Variants in OPTN observed in about 807,000 individuals in gnomAD.
The protein encoded by OPTN is E3-14.7K-interacting protein.
OPTN carries 54 observed loss-of-function variants against 70.4 expected under a neutral mutation model. The ratio of observed to expected loss-of-function variants is 0.77; its 90% CI spans 0.62 to 0.96. The LOEUF is 0.96. Ranked by LOEUF, OPTN falls within the 40% of genes least tolerant of loss-of-function variation. The pLI, the probability that OPTN is intolerant of heterozygous loss-of-function variation, is 0.00. For synonymous variants in OPTN, 256 were observed against 248.5 expected (o/e 1.03, Z -0.28); for missense variants, 624 against 673.2 (o/e 0.93, Z 0.81).
rs1252816155 is a variant in OPTN at position 13,122,142 on chromosome 10, T to C, written c.780-243T>C. 2.6e-5 allele frequency among the ~76,000 whole-genome samples: 4 copies of C among 152,312 alleles called. No homozygotes were observed. The East Asian group carries it at 5.8e-4, about 22-fold the overall frequency. On this transcript the variant is annotated intron_variant, in intron 7 of 14. Transcript: ENST00000378747. ...CATAGGACAGTTGCATGGAAACAAA[T>C]GGTGTTCAAGATGAGTTTCACTTGC...
chr10:13,115,537 T>C (rs1833183962), intron 5 of OPTN, among the ~76,000 whole-genome samples: 1 of 122,272 alleles, frequency 8.2e-6, no homozygotes, highest in Non-Finnish European at 1.6e-5. Flanking sequence ...ATATATAATA[T>C]AGAATATATT....
intron 1 of OPTN, among the ~76,000 whole-genome samples, chr10:13,102,926 G>T (rs1474902870): frequency 1.3e-5 from 2 of 149,558 alleles, no homozygotes; most frequent in Admixed American, 1.4e-4. Flanking sequence ...CTGGGCGACA[G>T]AGTGAGACTG....
At chr10:13,136,464 T>G (rs567036271) in intron 14 of OPTN, among the ~76,000 whole-genome samples, 1 of 122,150 alleles carries the variant, frequency 8.2e-6, no homozygotes, top group African/African-American at 3.1e-5. Flanking sequence ...GCCAAGATCG[T>G]GCCACTGCCC....
intron 14 of OPTN, 80 bp downstream of exon 14, chr10:13,133,661 C>A: frequency 1.6e-6 from 2 of 1,270,382 alleles, no homozygotes; most frequent in Non-Finnish European, 2.3e-6. Flanking sequence ...CCACTTCATT[C>A]TCTACAATGG....
chr10:13,107,886 C>T (rs191085797), intron 1 of OPTN, among the ~76,000 whole-genome samples: 11 of 152,138 alleles, frequency 7.2e-5, no homozygotes, highest in Admixed American at 1.3e-4. Context: ...TCATTTTCAC[C>T]AAGTGTGAAG....
At chr10:13,105,379 A>G (rs1352334826) in intron 1 of OPTN, among the ~76,000 whole-genome samples, 2 of 152,226 alleles carry the variant, frequency 1.3e-5, no homozygotes, top group Non-Finnish European at 1.5e-5. Context: ...CATAAGGATT[A>G]TCATTTGCTG....
chr10:13,107,356 CAGAG>C (rs747754661), intron 1 of OPTN, among the ~76,000 whole-genome samples: 1 of 148,392 alleles, frequency 6.7e-6, no homozygotes, highest in Non-Finnish European at 1.5e-5. Context: ...GCCTGGGCAA[CAGAG>C]AGAGACTCTC....
Position 13,122,443 on chromosome 10 carries a change from G to C in OPTN, c.838G>C (p.Gly280Arg). The change falls in exon 8 of 15, where the codon GGG becomes CGG. Residue 280 changes from glycine to arginine, a missense_variant. Physicochemically the swap from Gly to Arg is moderately radical, Grantham distance 125. Coordinates refer to ENST00000378747, the MANE Select transcript of OPTN (RefSeq NM_001008212.2). ...TTCTGAGATTGAAACCCAGACAGAG[G>C]GGAGCACAGAGAAAGAGAATGATGA... ...NRSEIETQTE[G>R]STEKENDEEK... is the part of the protein sequence containing the mutation. The C allele has an allele frequency of 1.2e-6, 2 of 1,614,020 alleles. No individual in the cohort carries two copies. The highest frequency in any genetic ancestry group is 2.2e-5 in the South Asian group (2 of 91,080).
At chr10:13,123,955 G>C (rs1833405856) in intron 8 of OPTN, 40 bp from the exon 9 acceptor site, 1 of 1,442,952 alleles carries the variant, frequency 6.9e-7, no homozygotes, top group African/African-American at 1.4e-5. Context: ...AATGTCAGAT[G>C]ATAATTGTAC....
intron 4 of OPTN, among the ~76,000 whole-genome samples, chr10:13,111,479 C>T (rs1395053699): frequency 6.6e-6 from 1 of 152,114 alleles, no homozygotes; most frequent in Non-Finnish European, 1.5e-5. Context: ...GGGCAGATCA[C>T]CTGAGGTGAG....
intron 5 of OPTN, among the ~76,000 whole-genome samples, chr10:13,115,858 T>C (rs1055480829): frequency 6.6e-6 from 1 of 151,088 alleles, no homozygotes; most frequent in African/African-American, 2.5e-5. Flanking sequence ...GCCTCTTTTT[T>C]AACTTTACCT....
At chr10:13,122,526 C>A (rs1157303119) in intron 8 of OPTN, 39 bp downstream of exon 8, 2 of 1,302,894 alleles carry the variant, frequency 1.5e-6, no homozygotes, top group Non-Finnish European at 2.2e-6. Flanking sequence ...CACACCCACA[C>A]ACACGAGAGT....
intron 1 of OPTN, among the ~76,000 whole-genome samples, chr10:13,104,960 C>T (rs899044647): frequency 6.6e-6 from 1 of 151,656 alleles, no homozygotes; most frequent in Non-Finnish European, 1.5e-5. Flanking sequence ...GCGAGCTCTG[C>T]TACTAATTTA....
At chr10:13,129,027 T>A (rs1202355177) in intron 12 of OPTN, among the ~76,000 whole-genome samples, 1 of 148,802 alleles carries the variant, frequency 6.7e-6, no homozygotes, top group East Asian at 2.1e-4. Flanking sequence ...TTTAAGAAAC[T>A]TTTACTACCC....
chr10:13,115,435 A>G (rs1313569182), intron 5 of OPTN, among the ~76,000 whole-genome samples: 4 of 104,778 alleles, frequency 3.8e-5, no homozygotes, highest in African/African-American at 1.7e-4. Context: ...TATAATATAG[A>G]ATATATATAA....
intron 11 of OPTN, among the ~76,000 whole-genome samples, chr10:13,127,097 G>C (rs1833483820): frequency 6.6e-6 from 1 of 152,196 alleles, no homozygotes; most frequent in African/African-American, 2.4e-5. Flanking sequence ...AGAAGCTTGT[G>C]AATTAGAAGG....
chr10:13,115,457 TTATATAATATAGAATA>T (rs1332688877), intron 5 of OPTN, among the ~76,000 whole-genome samples: 2 of 100,722 alleles, frequency 2.0e-5, no homozygotes, highest in Non-Finnish European at 3.4e-5. Context: ...ATATTCTATA[TTATATAATATAGAATA>T]TATATAATAT....
chr10:13,110,478 T>C lies in OPTN; in HGVS notation c.369+2T>C, dbSNP rs113349726. On this transcript the variant is annotated splice_donor_variant, in intron 4 of 14. Transcript: ENST00000378747. LOFTEE classifies it high-confidence loss of function. ...GGGAAATCAGAAAGGTCATCTGAGG[T>C]GAGCAGACCGATCCATTGTGATGTT... is the stretch of plus-strand genomic sequence containing the variant. 3.7e-6 allele frequency: 6 copies of C among 1,610,510 alleles called. 1 individual carries two copies. The highest frequency in any genetic ancestry group is 1.7e-5 in the Admixed American group (1 of 59,532).
intron 13 of OPTN, 62 bp downstream of exon 13, chr10:13,132,259 G>C: frequency 1.3e-6 from 2 of 1,585,794 alleles, no homozygotes; most frequent in South Asian, 2.2e-5. Context: ...AGAGGTGCCT[G>C]TCCAAAGACG....
Sources: allele counts gnomAD v4.1 joint callset (sites outside exome capture counted in the v4.1 genomes callset), GRCh38; gene constraint gnomAD v4.1.1; transcripts MANE v1.5; gene names NCBI Gene and HGNC (gene_info 2026-07-23, HGNC 2026-07-21).